The following IGSF11 variants were observed in gnomAD, a reference collection of about 807,000 sequenced individuals.
IGSF11 encodes the protein immunoglobulin superfamily member 11, also known as CXADR like 1.
In IGSF11, 22 loss-of-function variants were observed where a neutral mutation model predicts 41.0. That is an observed-to-expected ratio of 0.54 (90% CI 0.38 to 0.77). The LOEUF (loss-of-function observed/expected upper bound fraction) is 0.77. IGSF11 is among the 30% of genes least tolerant of loss of function. The probability of loss-of-function intolerance (pLI) is 0.00; values close to 1 mark genes in which losing one functional copy is unlikely to be tolerated. For missense variants in IGSF11, 444 were observed against 530.8 expected (o/e 0.84, Z 1.61); for synonymous variants, 219 against 201.3 (o/e 1.09, Z -0.74).
intron 1 of IGSF11, among the ~76,000 whole-genome samples, chr3:119,065,769 G>A (rs2107459518): frequency 7.1e-6 from 1 of 141,796 alleles, no homozygotes; most frequent in East Asian, 2.1e-4. Flanking sequence ...CTCCAGCCTG[G>A]GTGACACAGT....
chr3:119,007,483 C>T (rs1464469453), intron 1 of IGSF11, among the ~76,000 whole-genome samples: 1 of 152,142 alleles, frequency 6.6e-6, no homozygotes, highest in Non-Finnish European at 1.5e-5. Flanking sequence ...CATCTTGGCT[C>T]CTCCCCCAGA....
At chr3:119,038,565 G>A (rs577784078), upstream of IGSF11, among the ~76,000 whole-genome samples, 4 of 152,150 alleles carry the variant, frequency 2.6e-5, no homozygotes, top group South Asian at 6.2e-4. Context: ...GTAACGAAAT[G>A]CTACTGAATT....
chr3:119,116,301 G>T (rs2077255279), intron 1 of IGSF11, among the ~76,000 whole-genome samples: 1 of 151,640 alleles, frequency 6.6e-6, no homozygotes, highest in African/African-American at 2.4e-5. Context: ...TTGGTCTTTT[G>T]CTCTTGGACT....
chr3:119,077,950 G>A (rs759547045), intron 1 of IGSF11, among the ~76,000 whole-genome samples: 9 of 152,186 alleles, frequency 5.9e-5, no homozygotes, highest in Admixed American at 1.3e-4. Flanking sequence ...TACCTAGGAA[G>A]GCAGCTAACC....
chr3:118,944,564 C>G (rs1340546663), intron 1 of IGSF11, among the ~76,000 whole-genome samples: 2 of 151,874 alleles, frequency 1.3e-5, no homozygotes, highest in Non-Finnish European at 2.9e-5. Flanking sequence ...ACCTCCAGAA[C>G]AGACTACCCT....
In IGSF11 at chr3:118,921,145, T is replaced by C. The variant is rs149693257; in HGVS notation, c.580+4956A>G. 2.9e-3 allele frequency among the ~76,000 whole-genome samples: 437 copies of C among 152,332 alleles called. 2 individuals carry two copies. Among genetic ancestry groups the C allele is most frequent in the African/African-American group, 9.3e-3 (385 of 41,584 alleles). Reference sequence around the variant, plus strand: ...CTAACTAATCTGTCTTACCCTGATCTAATTTTTCCCCACAGAACTTTTCAC... The same window carrying C: ...CTAACTAATCTGTCTTACCCTGATCCAATTTTTCCCCACAGAACTTTTCAC... On this transcript the variant is annotated intron_variant, in intron 4 of 6. Transcript: ENST00000393775.
At chr3:119,109,256 A>T (rs1358931072), upstream of IGSF11, among the ~76,000 whole-genome samples, 4 of 149,702 alleles carry the variant, frequency 2.7e-5, no homozygotes, top group Non-Finnish European at 3.0e-5. Context: ...GATTATTGCC[A>T]CAATTTCAGA....
chr3:119,110,581 T>C (rs946910473), intron 1 of IGSF11, among the ~76,000 whole-genome samples: 2 of 152,174 alleles, frequency 1.3e-5, no homozygotes, highest in Non-Finnish European at 2.9e-5. Context: ...GAGCATTTAG[T>C]CCATTTACAT....
chr3:119,030,234 C>T (rs771280108), intron 1 of IGSF11, among the ~76,000 whole-genome samples: 135 of 152,262 alleles, frequency 8.9e-4, no homozygotes, highest in Middle Eastern at 3.4e-3. Context: ...TTGTCCACAA[C>T]AGTAAATTTG....
intron 1 of IGSF11, among the ~76,000 whole-genome samples, chr3:119,145,219 C>T (rs982962879): frequency 1.3e-5 from 2 of 152,196 alleles, no homozygotes; most frequent in Admixed American, 1.3e-4. Context: ...TAAATCCCTA[C>T]TAAAGGAATA....
At chr3:118,906,617 C>T (rs1296048890) in intron 4 of IGSF11, among the ~76,000 whole-genome samples, 21 of 152,138 alleles carry the variant, frequency 1.4e-4, no homozygotes, top group Admixed American at 1.4e-3. Context: ...TTCCCCACAT[C>T]AGGAGTTTGA....
intron 1 of IGSF11, among the ~76,000 whole-genome samples, chr3:119,100,287 G>T (rs2076920424): frequency 6.6e-6 from 1 of 152,150 alleles, no homozygotes; most frequent in African/African-American, 2.4e-5. Flanking sequence ...TGTAACAATG[G>T]CAATAGAGAA....
Position 119,124,050 on chromosome 3 carries a change from A to G in IGSF11, c.-13-18845T>C, listed in dbSNP as rs113462771. Among the ~76,000 whole-genome samples, 550 of 152,310 alleles carry G rather than the reference A, an allele frequency of 3.6e-3. 2 individuals carry two copies. The highest frequency in any genetic ancestry group is 0.012 in the African/African-American group (514 of 41,552). ...GGACCAATCCTGGAGAAACAGAGAT[A>G]TGTAACTATTCAGACAGAGAATTCA... On this transcript the variant is annotated intron_variant, in intron 1 of 7. Transcript: ENST00000425327.
upstream of IGSF11, among the ~76,000 whole-genome samples, chr3:119,106,941 T>A (rs2077040526): frequency 6.6e-6 from 1 of 152,214 alleles, no homozygotes; most frequent in Non-Finnish European, 1.5e-5. Flanking sequence ...GGCTGCATAG[T>A]ATTCTATGGT....
At position 119,059,203 on chromosome 3, in the gene IGSF11, A is replaced by ACACACACAC. The variant is rs1389647315; in HGVS notation, c.49+45940_49+45941insGTGTGTGTG. Reference sequence around the variant, plus strand: ...ATCACACACACACACACACACACACACACACCACACCATGGAAACTACTCA... The same window carrying ACACACACAC: ...ATCACACACACACACACACACACACACACACACACCACACCACACCATGGAAACTACTCA... On this transcript the variant is annotated intron_variant, in intron 1 of 6. Coordinates refer to the IGSF11 transcript ENST00000354673. Among the ~76,000 whole-genome samples the ACACACACAC allele has an allele frequency of 2.6e-5, 4 of 151,568 alleles. No homozygotes were observed. The East Asian group carries it at 5.8e-4, about 22-fold the overall frequency.
chr3:118,905,518 G>T, intron 5 of IGSF11, 78 bp downstream of exon 5: 1 of 1,475,958 alleles, frequency 6.8e-7, no homozygotes, highest in Non-Finnish European at 9.4e-7. Context: ...CAATTCAGCA[G>T]AACCCTTCAT....
chr3:119,108,396 T>C (rs1187497269), upstream of IGSF11, among the ~76,000 whole-genome samples: 1,159 of 146,396 alleles, frequency 7.9e-3, 13 homozygotes, highest in African/African-American at 0.027. Flanking sequence ...GTTTGTCTGT[T>C]ATTGGTGTAT....
At chr3:119,013,875 T>C (rs757963193) in intron 1 of IGSF11, among the ~76,000 whole-genome samples, 40 of 152,232 alleles carry the variant, frequency 2.6e-4, no homozygotes, top group Non-Finnish European at 1.8e-4. Flanking sequence ...GAAGGAATCT[T>C]GAGTAATAAG....
rs1045172330 is a variant in IGSF11 at position 119,004,674 on chromosome 3, G to A, written c.52+29857C>T. ...TCTGGTATGTTGTGTCTTTGTTCTCGTTGGTTTCAAAGAACATCTTTATTT... is the reference window on the plus strand; with the variant it reads ...TCTGGTATGTTGTGTCTTTGTTCTCATTGGTTTCAAAGAACATCTTTATTT... On this transcript the variant is annotated intron_variant, in intron 1 of 6. Transcript: ENST00000393775. Among the ~76,000 whole-genome samples the A allele has an allele frequency of 4.0e-3, 595 of 147,586 alleles. 4 individuals carry two copies. The highest frequency in any genetic ancestry group is 0.014 in the African/African-American group (540 of 39,378).
Sources: gnomAD v4.1 joint callset for allele counts (sites outside exome capture counted in the v4.1 genomes callset) on GRCh38, gnomAD v4.1.1 for gene constraint, MANE v1.5 for transcripts, NCBI Gene and HGNC (gene_info 2026-07-23, HGNC 2026-07-21) for gene names.